TRAF3: variants seen among roughly 807,000 people sequenced by gnomAD.
TRAF3 encodes TNF receptor associated factor 3, also known as TNF receptor-associated factor 3.
A neutral mutation model predicts 62.3 loss-of-function variants in TRAF3; 13 were observed. The ratio of observed to expected loss-of-function variants is 0.21; its 90% CI spans 0.14 to 0.33. TRAF3 has a LOEUF of 0.33. Among genes scored for constraint, TRAF3 ranks in the 10% least tolerant of loss-of-function variants. The pLI, the probability that TRAF3 is intolerant of heterozygous loss-of-function variation, is 1.00. For synonymous variants in TRAF3, 269 were observed against 283.4 expected (o/e 0.95, Z 0.51); for missense variants, 440 against 741.8 (o/e 0.59, Z 4.73).
intron 7 of TRAF3, among the ~76,000 whole-genome samples, chr14:102,889,306 A>G (rs987520269): frequency 6.6e-6 from 1 of 152,192 alleles, no homozygotes; most frequent in African/African-American, 2.4e-5. Flanking sequence ...ACATTGAACA[A>G]TTTGTTCTAA....
chr14:102,890,734 A>G (rs1889661987), intron 8 of TRAF3, among the ~76,000 whole-genome samples: 1 of 152,212 alleles, frequency 6.6e-6, no homozygotes, highest in African/African-American at 2.4e-5. Flanking sequence ...AATGGTCTAC[A>G]TCTTATGTAC....
rs532459820 is a variant in TRAF3 at position 102,899,670 on chromosome 14, T to G, written c.960+2269T>G. Among the ~76,000 whole-genome samples, 267 of 152,286 alleles carry G rather than the reference T, an allele frequency of 1.8e-3. 1 individual carries two copies. Among genetic ancestry groups the G allele is most frequent in the African/African-American group, 6.2e-3 (259 of 41,558 alleles). On this transcript the variant is annotated intron_variant, in intron 10 of 11. Transcript: ENST00000392745. ...ATGAGGGCACACGTCACTTGGGGTC[T>G]TCTTCTTTCTTCCTTGTCTGATTCT... is the stretch of plus-strand genomic sequence containing the variant.
intron 9 of TRAF3, chr14:102,895,310 A>C (rs1889945755): frequency 3.7e-5 from 11 of 294,260 alleles, no homozygotes; most frequent in South Asian, 3.3e-4. Flanking sequence ...AGACATTGCA[A>C]GTTTTGTATT....
At chr14:102,829,650 G>C (rs528676652) in intron 1 of TRAF3, among the ~76,000 whole-genome samples, 17 of 152,284 alleles carry the variant, frequency 1.1e-4, no homozygotes, top group African/African-American at 4.1e-4. Flanking sequence ...GCTTGTTTCC[G>C]GTAACACTTG....
chr14:102,860,276 C>G (rs570256551), intron 2 of TRAF3, among the ~76,000 whole-genome samples: 1 of 152,114 alleles, frequency 6.6e-6, no homozygotes, highest in African/African-American at 2.4e-5. Flanking sequence ...TTTCTGATAC[C>G]CCCAAAGTAA....
chr14:102,801,642 C>T (rs934491444), intron 1 of TRAF3, among the ~76,000 whole-genome samples: 24 of 151,966 alleles, frequency 1.6e-4, no homozygotes, highest in Admixed American at 3.3e-4. Context: ...TCAAGTGATC[C>T]GCCCATGTCA....
At chr14:102,881,451 A>C (rs1889060665) in intron 6 of TRAF3, among the ~76,000 whole-genome samples, 1 of 152,090 alleles carries the variant, frequency 6.6e-6, no homozygotes, top group Admixed American at 6.6e-5. Flanking sequence ...AGGGACGTGG[A>C]TGGAGCTGGA....
rs1262603345 is a variant in TRAF3 at position 102,887,139 on chromosome 14, T to G, written c.651+870T>G. 2.0e-5 allele frequency among the ~76,000 whole-genome samples: 3 copies of G among 152,246 alleles called. No individual in the cohort carries two copies. The East Asian group carries it at 5.8e-4, about 29-fold the overall frequency. On this transcript the variant is annotated intron_variant, in intron 7 of 11. Transcript: ENST00000392745. ...GTCCAGTTGGGAAAATTTCAAGGAT[T>G]CTTAATGTTTCTGCATCTGTCCTGA...
In TRAF3 at chr14:102,871,952, G is replaced by A; in HGVS notation, c.281G>A (p.Ser94Asn). Residue 94 changes from serine to asparagine, a missense_variant, in exon 4 of 12, where the codon AGC becomes AAC. Transcript: ENST00000392745. The stretch of plus-strand genomic sequence containing the variant: ...CCAAAATGTACAGCGTGTCAAGAGA[G>A]CATCGTTAAAGATAAGGTATTCTGG... ...SSPKCTACQE[S>N]IVKDKVFKDN... 6.2e-7 allele frequency: 1 copy of A among 1,614,194 alleles called. No homozygotes were observed.
At chr14:102,791,867 C>T (rs1415287470) in intron 1 of TRAF3, among the ~76,000 whole-genome samples, 1 of 151,576 alleles carries the variant, frequency 6.6e-6, no homozygotes, top group Admixed American at 6.6e-5. Flanking sequence ...TGCTGGAGTG[C>T]AGTAGTGCAA....
intron 7 of TRAF3, among the ~76,000 whole-genome samples, chr14:102,887,053 C>T (rs1403197693): frequency 1.3e-5 from 2 of 152,194 alleles, no homozygotes; most frequent in Non-Finnish European, 2.9e-5. Flanking sequence ...TCTCACATTG[C>T]GCTTGGCACT....
chr14:102,892,361 A>G (rs530013538), intron 9 of TRAF3, among the ~76,000 whole-genome samples: 5 of 152,266 alleles, frequency 3.3e-5, no homozygotes, highest in African/African-American at 1.2e-4. Context: ...CCCAGCCTCC[A>G]TGCTGTTCTT....
In TRAF3 at chr14:102,906,764, G is replaced by T. The variant is rs879154453; in HGVS notation, c.*980G>T. On this transcript the variant is annotated 3_prime_UTR_variant, in exon 12 of 12. Transcript: ENST00000392745. ...TCTGTTGCTGACAGCACCGGCCTTC[G>T]GTCTCCATGTCAGGGGTGGGCGGGT... 6.6e-6 allele frequency: 1 copy of T among 152,178 alleles called. No homozygotes were observed. The highest frequency in any genetic ancestry group is 1.5e-5 in the Non-Finnish European group (1 of 68,034). The allele number at this position is 152,178 out of a possible 1,614,324, so 9.4% of individuals were successfully genotyped here.
chr14:102,820,632 TTTTTTTTTTTTTTG>T (rs1457843911), intron 1 of TRAF3, among the ~76,000 whole-genome samples: 127 of 87,366 alleles, frequency 1.5e-3, no homozygotes, highest in African/African-American at 6.1e-3. Flanking sequence ...TTTTTTTTTT[TTTTTTTTTTTTTTG>T]ACAGGTTCTT....
In TRAF3 at chr14:102,872,011, G is replaced by A. The variant is rs901481520; in HGVS notation, c.297+43G>A. Reference sequence around the variant, plus strand: ...TTAATCATTTTGTCACATGTTTTCAGCTGGGTAATACTTTTCACATAGTTT... The same window carrying A: ...TTAATCATTTTGTCACATGTTTTCAACTGGGTAATACTTTTCACATAGTTT... On this transcript the variant is annotated intron_variant, in intron 4 of 11. Coordinates refer to ENST00000392745, the MANE Select transcript of TRAF3 (RefSeq NM_145725.3). The A allele has an allele frequency of 1.1e-5, 17 of 1,595,032 alleles. 1 individual carries two copies. Among genetic ancestry groups the A allele is most frequent in the African/African-American group, 4.0e-5 (3 of 74,490 alleles).
intron 1 of TRAF3, among the ~76,000 whole-genome samples, chr14:102,785,978 G>C (rs947690765): frequency 5.9e-5 from 9 of 152,186 alleles, no homozygotes; most frequent in African/African-American, 2.2e-4. Context: ...GGATATTTCT[G>C]TGCATCTGGG....
At chr14:102,848,485 T>C (rs1363363217) in intron 2 of TRAF3, among the ~76,000 whole-genome samples, 1 of 152,156 alleles carries the variant, frequency 6.6e-6, no homozygotes, top group Non-Finnish European at 1.5e-5. Flanking sequence ...GTATAAGAAG[T>C]TTGAAATGTT....
chr14:102,908,088 C>T lies in TRAF3; in HGVS notation c.*2304C>T, dbSNP rs1890675482. Reference sequence around the variant, plus strand: ...ATATTAGATGAAGGATATGCAACATCTTGGTCTAGTAAGAACCGTTTCCTC... The same window carrying T: ...ATATTAGATGAAGGATATGCAACATTTTGGTCTAGTAAGAACCGTTTCCTC... On this transcript the variant is annotated 3_prime_UTR_variant, in exon 12 of 12. Transcript: ENST00000392745. The T allele has an allele frequency of 6.6e-6, 1 of 152,308 alleles. No homozygotes were observed. Among genetic ancestry groups the T allele is most frequent in the Admixed American group, 6.5e-5 (1 of 15,292 alleles). The allele number at this position is 152,308 out of a possible 1,614,324, so 9.4% of individuals were successfully genotyped here. A position where few individuals can be genotyped will look rare whatever the true frequency, so the allele number is the denominator to read the frequency against.
Position 102,891,342 on chromosome 14 carries a change from C to T in TRAF3, c.744C>T (p.Ile248=). The T allele has an allele frequency of 6.2e-7, 1 of 1,613,318 alleles. No homozygotes were observed. The highest frequency in any genetic ancestry group is 8.5e-7 in the Non-Finnish European group (1 of 1,179,874). ...GCVFQGTNQQ[I]KAHEASSAVQ... ...TCTCGCAGGGGACAAACCAGCAGATCAAGGCCCACGAGGCCAGCTCCGCCG... is the reference window on the plus strand; with the variant it reads ...TCTCGCAGGGGACAAACCAGCAGATTAAGGCCCACGAGGCCAGCTCCGCCG... The change falls in exon 9 of 12, where the codon ATC becomes ATT. Residue 248 remains isoleucine (I), a synonymous_variant. Coordinates refer to ENST00000392745, the MANE Select transcript of TRAF3 (RefSeq NM_145725.3).
Sources: gnomAD v4.1 joint callset for allele counts (sites outside exome capture counted in the v4.1 genomes callset) on GRCh38, gnomAD v4.1.1 for gene constraint, MANE v1.5 for transcripts, NCBI Gene and HGNC (gene_info 2026-07-23, HGNC 2026-07-21) for gene names.